NCAM2: variants seen among roughly 807,000 people sequenced by gnomAD.
NCAM2 encodes neural cell adhesion molecule 2.
NCAM2 carries 30 observed loss-of-function variants against 98.1 expected under a neutral mutation model. The observed-to-expected ratio is 0.31, with a 90% CI of 0.23 to 0.41. The LOEUF (loss-of-function observed/expected upper bound fraction) is 0.41, where lower values mean the gene tolerates loss of function less well. NCAM2 is among the 10% of genes least tolerant of loss of function. NCAM2 has a pLI of 1.00. For missense variants in NCAM2, 867 were observed against 1,005.8 expected, an observed-to-expected ratio of 0.86 and a Z score of 1.87; for synonymous variants, 368 against 342.4, an observed-to-expected ratio of 1.07 and a Z score of -0.83.
intron 1 of NCAM2, among the ~76,000 whole-genome samples, chr21:21,041,626 G>A (rs938415396): frequency 3.3e-5 from 5 of 152,178 alleles, no homozygotes; most frequent in African/African-American, 9.6e-5. Context: ...CTAGAACATC[G>A]TGGTGGTGGT....
intron 1 of NCAM2, among the ~76,000 whole-genome samples, chr21:21,272,112 A>T (rs2072524524): frequency 6.6e-6 from 1 of 152,192 alleles, no homozygotes; most frequent in African/African-American, 2.4e-5. Flanking sequence ...CTTAAATGAT[A>T]AAGTGTGAAG....
intron 5 of NCAM2, among the ~76,000 whole-genome samples, chr21:21,292,697 A>G (rs1052905903): frequency 6.6e-6 from 1 of 151,880 alleles, no homozygotes; most frequent in Non-Finnish European, 1.5e-5. Context: ...TCATGATGAA[A>G]TCTCTTCCTC....
At chr21:21,452,966 ATATATTATTATATATTATATAT>A (rs1410838326) in intron 12 of NCAM2, among the ~76,000 whole-genome samples, 4 of 66,954 alleles carry the variant, frequency 6.0e-5, no homozygotes, top group Non-Finnish European at 1.0e-4. Context: ...ATTATATATT[ATATATTATTATATATTATATAT>A]TATATTATAT....
At chr21:21,364,034 A>C (rs2075722416) in intron 8 of NCAM2, among the ~76,000 whole-genome samples, 1 of 152,174 alleles carries the variant, frequency 6.6e-6, no homozygotes, top group African/African-American at 2.4e-5. Flanking sequence ...CTTTACACTA[A>C]GACAACAAAA....
At chr21:21,251,337 G>A (rs1048470220) in intron 1 of NCAM2, among the ~76,000 whole-genome samples, 20 of 148,010 alleles carry the variant, frequency 1.4e-4, no homozygotes, top group African/African-American at 4.9e-4. Context: ...CCCACCCCCT[G>A]TGTTGTTCCC....
chr21:21,196,171 C>T (rs2085300902), intron 1 of NCAM2, among the ~76,000 whole-genome samples: 2 of 152,172 alleles, frequency 1.3e-5, no homozygotes, highest in Admixed American at 6.6e-5. Context: ...AAAGAATTTG[C>T]TGCTCCTCCT....
intron 9 of NCAM2, among the ~76,000 whole-genome samples, chr21:21,400,573 A>C (rs1334061478): frequency 2.0e-5 from 3 of 150,738 alleles, no homozygotes; most frequent in African/African-American, 7.3e-5. Context: ...AAAGATATTC[A>C]CTTATTAAAA....
At chr21:21,168,317 C>T (rs755301678) in intron 1 of NCAM2, among the ~76,000 whole-genome samples, 3 of 152,050 alleles carry the variant, frequency 2.0e-5, no homozygotes, top group Non-Finnish European at 4.4e-5. Context: ...TAAAGAACAT[C>T]TACCAAAACC....
chr21:21,184,091 GA>G (rs1239355621), intron 1 of NCAM2, among the ~76,000 whole-genome samples: 3 of 152,002 alleles, frequency 2.0e-5, no homozygotes, highest in Non-Finnish European at 4.4e-5. Context: ...ATTACTTGGG[GA>G]ATGTGTTTGG....
chr21:21,308,070 T>TACACACACACACACACACAC (rs71195319), intron 5 of NCAM2, among the ~76,000 whole-genome samples: 1 of 150,970 alleles, frequency 6.6e-6, no homozygotes, highest in African/African-American at 2.4e-5. Flanking sequence ...CATACACACA[T>TACACACACACACACACACAC]ACACACACAC....
chr21:21,296,129 C>T (rs763637241), intron 5 of NCAM2, among the ~76,000 whole-genome samples: 54 of 151,948 alleles, frequency 3.6e-4, no homozygotes, highest in Admixed American at 5.9e-4. Context: ...CCTAACACAG[C>T]ATCATTTCCC....
intron 1 of NCAM2, among the ~76,000 whole-genome samples, chr21:21,069,380 T>C (rs1239150709): frequency 6.6e-6 from 1 of 152,336 alleles, no homozygotes; most frequent in South Asian, 2.1e-4. Flanking sequence ...AAAAATGCGT[T>C]AGCTATCAAC....
At chr21:21,336,848 A>C (rs1378765270) in intron 7 of NCAM2, among the ~76,000 whole-genome samples, 7 of 152,216 alleles carry the variant, frequency 4.6e-5, no homozygotes. Flanking sequence ...AGCATTGAAT[A>C]AAGAGAAGTA....
At chr21:21,529,205 ACCC>A (rs1199994404) in intron 16 of NCAM2, among the ~76,000 whole-genome samples, 2 of 152,040 alleles carry the variant, frequency 1.3e-5, no homozygotes, top group African/African-American at 4.8e-5. Context: ...TTACATGAAT[ACCC>A]GCTCCTCAAT....
intron 5 of NCAM2, among the ~76,000 whole-genome samples, chr21:21,311,353 T>A (rs1478596578): frequency 6.7e-6 from 1 of 148,378 alleles, no homozygotes; most frequent in South Asian, 2.1e-4. Context: ...TTTTTTTTTT[T>A]TTTTTGAGAC....
intron 12 of NCAM2, among the ~76,000 whole-genome samples, chr21:21,452,937 A>T (rs1452746932): frequency 1.0e-5 from 1 of 96,618 alleles, no homozygotes; most frequent in Non-Finnish European, 1.8e-5. Context: ...TAATATATAT[A>T]ATATAATTTA....
At chr21:21,302,798 C>T (rs1478066784) in intron 5 of NCAM2, among the ~76,000 whole-genome samples, 2 of 152,062 alleles carry the variant, frequency 1.3e-5, no homozygotes, top group South Asian at 2.1e-4. Flanking sequence ...GGCATAGAGA[C>T]GTGTATGTTC....
intron 5 of NCAM2, among the ~76,000 whole-genome samples, chr21:21,322,054 C>A (rs909696117): frequency 6.6e-6 from 1 of 152,132 alleles, no homozygotes; most frequent in Non-Finnish European, 1.5e-5. Flanking sequence ...ATGGAGTCAA[C>A]CTTGGTACCC....
chr21:21,530,076 T>TTATATAATTTAATTTAATTTAATTA (rs1396877645), intron 16 of NCAM2, among the ~76,000 whole-genome samples: 2 of 144,060 alleles, frequency 1.4e-5, no homozygotes, highest in African/African-American at 5.0e-5. Flanking sequence ...TTAAATAAAA[T>TTATATAATTTAATTTAATTTAATTA]TATATAATTT....
Sources: gnomAD v4.1 joint callset for allele counts (sites outside exome capture counted in the v4.1 genomes callset) on GRCh38, gnomAD v4.1.1 for gene constraint, MANE v1.5 for transcripts, NCBI Gene and HGNC (gene_info 2026-07-23, HGNC 2026-07-21) for gene names.